Variants in PDE4D observed in about 807,000 individuals in gnomAD.
PDE4D encodes the protein phosphodiesterase 4D.
A neutral mutation model predicts 87.4 loss-of-function variants in PDE4D; 24 were observed. The ratio of observed to expected loss-of-function variants is 0.27; its 90% CI spans 0.20 to 0.39. The LOEUF is 0.39. Ranked by LOEUF, PDE4D falls within the 10% of genes least tolerant of loss-of-function variation. The probability of loss-of-function intolerance (pLI) is 1.00; values close to 1 mark genes in which losing one functional copy is unlikely to be tolerated. For missense variants in PDE4D, 714 were observed against 1,041.0 expected (o/e 0.69, Z 4.32); for synonymous variants, 384 against 383.2 (o/e 1.00, Z -0.02).
At chr5:60,468,742 TC>T (rs1747592300) in intron 1 of PDE4D, among the ~76,000 whole-genome samples, 1 of 151,950 alleles carries the variant, frequency 6.6e-6, no homozygotes, top group Non-Finnish European at 1.5e-5. Context: ...CCCAGGCTGA[TC>T]TTGAACTCCT....
chr5:60,142,277 A>G (rs1010210009), intron 2 of PDE4D, among the ~76,000 whole-genome samples: 4 of 152,096 alleles, frequency 2.6e-5, no homozygotes, highest in Non-Finnish European at 4.4e-5. Context: ...AGAGAGAAGA[A>G]AGAAAGATTT....
At chr5:59,896,941 G>GT (rs1271769516), upstream of PDE4D, among the ~76,000 whole-genome samples, 1 of 151,968 alleles carries the variant, frequency 6.6e-6, no homozygotes, top group Non-Finnish European at 1.5e-5. Flanking sequence ...CTACCCATTG[G>GT]TTTTCCCTGC....
intron 4 of PDE4D, among the ~76,000 whole-genome samples, chr5:59,181,500 TATA>T (rs1255371801): frequency 1.4e-5 from 2 of 145,286 alleles, no homozygotes; most frequent in East Asian, 2.0e-4. Flanking sequence ...GCTTTTAAAA[TATA>T]ATGATTAAAA....
intron 1 of PDE4D, among the ~76,000 whole-genome samples, chr5:59,725,262 A>C (rs561818593): frequency 6.6e-6 from 1 of 152,036 alleles, no homozygotes; most frequent in Non-Finnish European, 1.5e-5. Flanking sequence ...TAGCCTTTGC[A>C]TTCTCCACAC....
At chr5:59,044,057 T>C (rs1760208688) in intron 5 of PDE4D, among the ~76,000 whole-genome samples, 1 of 152,244 alleles carries the variant, frequency 6.6e-6, no homozygotes, top group Non-Finnish European at 1.5e-5. Context: ...TTATAATCCT[T>C]TGGGTATATA....
intron 6 of PDE4D, among the ~76,000 whole-genome samples, chr5:59,025,758 A>G (rs1756095934): frequency 6.6e-6 from 1 of 152,252 alleles, no homozygotes; most frequent in African/African-American, 2.4e-5. Flanking sequence ...TGAAATGGAG[A>G]TGGCAGACAT....
chr5:59,457,305 T>A (rs1348128178), intron 1 of PDE4D, among the ~76,000 whole-genome samples: 1 of 152,224 alleles, frequency 6.6e-6, no homozygotes, highest in Non-Finnish European at 1.5e-5. Flanking sequence ...AGATTACTAC[T>A]TGCTGAAGGC....
upstream of PDE4D, chr5:59,893,786 C>A: frequency 2.2e-6 from 3 of 1,334,542 alleles, no homozygotes; most frequent in Non-Finnish European, 2.9e-6. Flanking sequence ...TCAGGGCTAC[C>A]GAGAGGGGGC....
chr5:59,663,295 G>T (rs1352772615), intron 1 of PDE4D, among the ~76,000 whole-genome samples: 1 of 151,876 alleles, frequency 6.6e-6, no homozygotes, highest in African/African-American at 2.4e-5. Flanking sequence ...CTCCAGAGTA[G>T]CTGGGATTAC....
At chr5:59,879,231 T>C (rs1749086417) in intron 1 of PDE4D, among the ~76,000 whole-genome samples, 1 of 152,186 alleles carries the variant, frequency 6.6e-6, no homozygotes, top group Non-Finnish European at 1.5e-5. Context: ...AATTCAAAAC[T>C]ATCCACATAA....
intron 1 of PDE4D, among the ~76,000 whole-genome samples, chr5:59,458,826 T>A (rs1800310069): frequency 6.6e-6 from 1 of 152,214 alleles, no homozygotes; most frequent in East Asian, 1.9e-4. Context: ...TTGCTTGCAC[T>A]TACATGAAAC....
intron 1 of PDE4D, among the ~76,000 whole-genome samples, chr5:59,318,461 A>G (rs1223503324): frequency 6.6e-6 from 1 of 152,168 alleles, no homozygotes; most frequent in Non-Finnish European, 1.5e-5. Flanking sequence ...TTGATTTTTA[A>G]AAGAAAAAGT....
At chr5:60,059,183 A>G (rs991596193) in intron 2 of PDE4D, among the ~76,000 whole-genome samples, 1 of 151,880 alleles carries the variant, frequency 6.6e-6, no homozygotes, top group Non-Finnish European at 1.5e-5. Flanking sequence ...TTTCCTGAGA[A>G]CTAAGTTTTA....
At chr5:59,286,649 A>T (rs1364318212) in intron 1 of PDE4D, among the ~76,000 whole-genome samples, 4 of 152,192 alleles carry the variant, frequency 2.6e-5, no homozygotes, top group Non-Finnish European at 5.9e-5. Flanking sequence ...TTTAGATACC[A>T]GACTGCAAGT....
At chr5:60,082,974 T>C (rs1286279273) in intron 2 of PDE4D, among the ~76,000 whole-genome samples, 1 of 152,190 alleles carries the variant, frequency 6.6e-6, no homozygotes, top group Non-Finnish European at 1.5e-5. Context: ...AAACCTCTCC[T>C]CCCTCCATCT....
At chr5:60,047,478 C>A (rs893803240) in intron 2 of PDE4D, among the ~76,000 whole-genome samples, 14 of 152,294 alleles carry the variant, frequency 9.2e-5, no homozygotes, top group African/African-American at 3.4e-4. Flanking sequence ...CATTTTAGAT[C>A]TTTCCTGCTT....
At chr5:60,139,656 G>C (rs1237555026) in intron 2 of PDE4D, among the ~76,000 whole-genome samples, 1 of 151,938 alleles carries the variant, frequency 6.6e-6, no homozygotes, top group Non-Finnish European at 1.5e-5. Flanking sequence ...GGAAAAATAG[G>C]CTACTCGTTG....
At chr5:60,308,716 A>C (rs1040808652) in intron 1 of PDE4D, among the ~76,000 whole-genome samples, 2 of 152,210 alleles carry the variant, frequency 1.3e-5, no homozygotes, top group African/African-American at 4.8e-5. Context: ...AAGCCAAAGA[A>C]GAAAATTGCA....
At chr5:59,686,569 G>T (rs1174057409) in intron 1 of PDE4D, among the ~76,000 whole-genome samples, 1 of 152,014 alleles carries the variant, frequency 6.6e-6, no homozygotes, top group Non-Finnish European at 1.5e-5. Context: ...TAGAATTTGG[G>T]AAAATGAACA....
Sources: allele counts gnomAD v4.1 joint callset (sites outside exome capture counted in the v4.1 genomes callset), GRCh38; gene constraint gnomAD v4.1.1; transcripts MANE v1.5; gene names NCBI Gene and HGNC (gene_info 2026-07-23, HGNC 2026-07-21).